Variants in RNGTT observed in about 807,000 individuals in gnomAD.
RNGTT encodes the protein RNA guanylyltransferase and 5'-phosphatase, also known as mRNA-capping enzyme.
In RNGTT, 33 loss-of-function variants were observed where a neutral mutation model predicts 79.3. That is an observed-to-expected ratio of 0.42 (90% CI 0.32 to 0.56). RNGTT has a LOEUF of 0.56. RNGTT is among the 20% of genes least tolerant of loss of function. The pLI, the probability that RNGTT is intolerant of heterozygous loss-of-function variation, is 0.17. For missense variants in RNGTT, 497 were observed against 739.1 expected, an observed-to-expected ratio of 0.67 and a Z score of 3.80; for synonymous variants, 222 against 235.9, an observed-to-expected ratio of 0.94 and a Z score of 0.54.
At chr6:88,859,790 G>T (rs1216776712) in intron 8 of RNGTT, among the ~76,000 whole-genome samples, 3 of 152,156 alleles carry the variant, frequency 2.0e-5, no homozygotes, top group African/African-American at 7.2e-5. Flanking sequence ...CAGAAACTGG[G>T]AATAAGAGTA....
At chr6:88,750,527 A>T (rs1292229935) in intron 13 of RNGTT, among the ~76,000 whole-genome samples, 3 of 152,150 alleles carry the variant, frequency 2.0e-5, no homozygotes, top group Admixed American at 2.0e-4. Flanking sequence ...GACAGTCTCT[A>T]TCTCCTAGCC....
intron 13 of RNGTT, among the ~76,000 whole-genome samples, chr6:88,711,056 T>C (rs769265575): frequency 6.6e-6 from 1 of 152,164 alleles, no homozygotes; most frequent in Non-Finnish European, 1.5e-5. Context: ...TTAAATAATC[T>C]CTAGAGACAA....
intron 11 of RNGTT, among the ~76,000 whole-genome samples, chr6:88,836,192 T>C (rs1287878574): frequency 6.6e-6 from 1 of 150,876 alleles, no homozygotes; most frequent in Non-Finnish European, 1.5e-5. Flanking sequence ...TTATATGATT[T>C]TCTTAAATTT....
At chr6:88,728,498 T>A (rs1180666272) in intron 13 of RNGTT, among the ~76,000 whole-genome samples, 1 of 152,230 alleles carries the variant, frequency 6.6e-6, no homozygotes. Flanking sequence ...CTGCTCCAAC[T>A]GGTTTTTGTA....
intron 2 of RNGTT, among the ~76,000 whole-genome samples, chr6:88,939,049 T>G (rs1784761012): frequency 6.6e-6 from 1 of 152,230 alleles, no homozygotes; most frequent in Non-Finnish European, 1.5e-5. Context: ...GAATTTTCTC[T>G]TTGACTTTTA....
Position 88,791,782 on chromosome 6 carries a change from G to A in RNGTT, c.1338+9782C>T, listed in dbSNP as rs529315740. Among the ~76,000 whole-genome samples, 14 of 152,186 alleles carry A rather than the reference G, an allele frequency of 9.2e-5. No homozygotes were observed. The South Asian group carries it at 1.0e-3, about 11-fold the overall frequency. Reference sequence around the variant, plus strand: ...TCTCGATCTCCTGACCTCGTGATCCGCCCGCCTTGGCCTCCCAAAGTGCTG... The same window carrying A: ...TCTCGATCTCCTGACCTCGTGATCCACCCGCCTTGGCCTCCCAAAGTGCTG... On this transcript the variant is annotated intron_variant, in intron 12 of 15. Coordinates refer to ENST00000369485, the MANE Select transcript of RNGTT (RefSeq NM_003800.5).
chr6:88,785,750 G>A (rs1040386233), intron 12 of RNGTT, among the ~76,000 whole-genome samples: 6 of 152,058 alleles, frequency 3.9e-5, no homozygotes, highest in Admixed American at 1.3e-4. Flanking sequence ...TGTACTTCAA[G>A]ACAAGGCATT....
At chr6:88,875,738 T>C (rs1463422362) in intron 8 of RNGTT, among the ~76,000 whole-genome samples, 1 of 152,230 alleles carries the variant, frequency 6.6e-6, no homozygotes, top group Non-Finnish European at 1.5e-5. Context: ...AAGTATTACT[T>C]GTTATAACTG....
At chr6:88,943,815 C>G (rs1188419283) in intron 1 of RNGTT, among the ~76,000 whole-genome samples, 2 of 152,140 alleles carry the variant, frequency 1.3e-5, no homozygotes, top group African/African-American at 2.4e-5. Context: ...TAATTAGTCC[C>G]CTGTAAATAC....
chr6:88,945,990 T>C (rs35166568), intron 1 of RNGTT, among the ~76,000 whole-genome samples: 1,721 of 152,356 alleles, frequency 0.011, 19 homozygotes, highest in Non-Finnish European at 0.018. Flanking sequence ...GCAAGAAATA[T>C]AGTTTGATTG....
chr6:88,773,498 TAA>T (rs57587069), intron 12 of RNGTT, among the ~76,000 whole-genome samples: 22 of 141,518 alleles, frequency 1.6e-4, no homozygotes, highest in Non-Finnish European at 2.0e-4. Context: ...AAATTATTGG[TAA>T]AAAAAAAAAA....
intron 4 of RNGTT, among the ~76,000 whole-genome samples, chr6:88,908,177 G>A (rs12215608): frequency 0.092 from 14,034 of 152,158 alleles, 714 homozygotes; most frequent in African/African-American, 0.12. Flanking sequence ...GTAAATCTTT[G>A]CAAGCTTAGA....
At chr6:88,944,276 C>T (rs544405944) in intron 1 of RNGTT, among the ~76,000 whole-genome samples, 1 of 152,228 alleles carries the variant, frequency 6.6e-6, no homozygotes, top group East Asian at 1.9e-4. Flanking sequence ...AAAGCAAGAG[C>T]GATTAAGTAA....
intron 13 of RNGTT, among the ~76,000 whole-genome samples, chr6:88,702,337 C>T (rs1302326992): frequency 2.0e-5 from 3 of 152,064 alleles, no homozygotes; most frequent in Non-Finnish European, 4.4e-5. Context: ...AGTAGCCAAA[C>T]CACATGATAC....
intron 13 of RNGTT, among the ~76,000 whole-genome samples, chr6:88,707,725 TA>T (rs60313151): frequency 5.8e-3 from 711 of 123,404 alleles, no homozygotes; most frequent in East Asian, 5.8e-3. Context: ...TCCCTAACAT[TA>T]AAAAAAAAAA....
chr6:88,844,003 G>A (rs1039369501), intron 11 of RNGTT, among the ~76,000 whole-genome samples: 7 of 150,746 alleles, frequency 4.6e-5, no homozygotes, highest in South Asian at 2.1e-4. Flanking sequence ...ATAAGAGTAC[G>A]TACCAAACAC....
chr6:88,926,025 A>C (rs190438629), intron 4 of RNGTT, among the ~76,000 whole-genome samples: 2 of 152,200 alleles, frequency 1.3e-5, no homozygotes, highest in Non-Finnish European at 2.9e-5. Flanking sequence ...CTAAAAGAAA[A>C]ATACTCATTT....
At chr6:88,924,216 G>A (rs1275506735) in intron 4 of RNGTT, among the ~76,000 whole-genome samples, 1 of 152,196 alleles carries the variant, frequency 6.6e-6, no homozygotes, top group Non-Finnish European at 1.5e-5. Flanking sequence ...AAGTCCCCTA[G>A]GAGCTCTCAG....
chr6:88,701,503 G>C (rs764907024), intron 13 of RNGTT, among the ~76,000 whole-genome samples: 3 of 151,256 alleles, frequency 2.0e-5, no homozygotes, highest in Non-Finnish European at 4.4e-5. Flanking sequence ...CTGTAAATTA[G>C]TACTGATAAT....
Sources: gnomAD v4.1 joint callset for allele counts (sites outside exome capture counted in the v4.1 genomes callset) on GRCh38, gnomAD v4.1.1 for gene constraint, MANE v1.5 for transcripts, NCBI Gene and HGNC (gene_info 2026-07-23, HGNC 2026-07-21) for gene names.